The following GRID2 variants were observed in gnomAD, a reference collection of about 807,000 sequenced individuals.
GRID2 encodes glutamate ionotropic receptor delta type subunit 2.
A neutral mutation model predicts 114.8 loss-of-function variants in GRID2; 33 were observed. The observed-to-expected ratio is 0.29, with a 90% confidence interval of 0.22 to 0.38. The LOEUF (loss-of-function observed/expected upper bound fraction) is 0.38, where lower values mean the gene tolerates loss of function less well. Among genes scored for constraint, GRID2 ranks in the 10% least tolerant of loss-of-function variants. GRID2 has a pLI of 1.00. For missense variants in GRID2, 1,184 were observed against 1,257.7 expected (o/e 0.94, Z 0.89); for synonymous variants, 505 against 449.9 (o/e 1.12, Z -1.55).
At chr4:93,478,674 GTTAACA>G (rs1434304378) in intron 11 of GRID2, among the ~76,000 whole-genome samples, 1 of 151,674 alleles carries the variant, frequency 6.6e-6, no homozygotes, top group African/African-American at 2.4e-5. Context: ...TATTTTAACT[GTTAACA>G]TTAAAATATA....
chr4:92,868,625 T>G (rs77188006), intron 2 of GRID2, among the ~76,000 whole-genome samples: 2,386 of 152,204 alleles, frequency 0.016, 59 homozygotes, highest in African/African-American at 0.054. Context: ...TGTGCCATCT[T>G]TATAGTAGTT....
intron 8 of GRID2, among the ~76,000 whole-genome samples, chr4:93,345,282 A>G (rs1014507087): frequency 6.6e-6 from 1 of 151,994 alleles, no homozygotes; most frequent in Non-Finnish European, 1.5e-5. Flanking sequence ...AACAGTCTAT[A>G]AGCATTCCCT....
intron 2 of GRID2, among the ~76,000 whole-genome samples, chr4:92,919,008 A>G (rs2149500971): frequency 6.6e-6 from 1 of 152,222 alleles, no homozygotes; most frequent in African/African-American, 2.4e-5. Flanking sequence ...GTAAGCTATT[A>G]ATTATTGCCT....
At chr4:92,449,709 AT>A (rs1579385375) in intron 1 of GRID2, among the ~76,000 whole-genome samples, 11 of 142,836 alleles carry the variant, frequency 7.7e-5, no homozygotes, top group African/African-American at 2.1e-4. Context: ...ATATATATAT[AT>A]AACACTTAAG....
chr4:93,737,693 A>G (rs917050731), intron 14 of GRID2, among the ~76,000 whole-genome samples: 1 of 152,152 alleles, frequency 6.6e-6, no homozygotes, highest in Non-Finnish European at 1.5e-5. Flanking sequence ...ATTGACCCTC[A>G]TATCGAAAGA....
intron 1 of GRID2, among the ~76,000 whole-genome samples, chr4:92,375,989 A>G (rs1317574763): frequency 6.6e-6 from 1 of 152,162 alleles, no homozygotes; most frequent in Non-Finnish European, 1.5e-5. Context: ...TAAGCGATTC[A>G]GGGCACATAT....
intron 10 of GRID2, among the ~76,000 whole-genome samples, chr4:93,438,904 T>C (rs955056767): frequency 7.5e-5 from 11 of 146,278 alleles, no homozygotes; most frequent in African/African-American, 2.7e-4. Context: ...CATTGTTCAA[T>C]TCCCACCTAT....
At chr4:92,848,138 G>A (rs866001337) in intron 2 of GRID2, among the ~76,000 whole-genome samples, 2 of 151,516 alleles carry the variant, frequency 1.3e-5, no homozygotes, top group Non-Finnish European at 2.9e-5. Context: ...AGTCATTGAT[G>A]TAACACAAAC....
At chr4:93,045,401 A>G (rs1186876457) in intron 2 of GRID2, among the ~76,000 whole-genome samples, 1 of 152,078 alleles carries the variant, frequency 6.6e-6, no homozygotes, top group East Asian at 1.9e-4. Context: ...ATGACAGCTT[A>G]ATATTTCTAT....
chr4:93,229,976 TATG>T (rs1305412103), intron 7 of GRID2, among the ~76,000 whole-genome samples: 4 of 152,152 alleles, frequency 2.6e-5, no homozygotes, highest in African/African-American at 9.7e-5. Context: ...GTGGATGTTG[TATG>T]ATATTTTTGA....
intron 1 of GRID2, among the ~76,000 whole-genome samples, chr4:92,368,822 G>A (rs1392303536): frequency 6.6e-6 from 1 of 151,660 alleles, no homozygotes; most frequent in East Asian, 1.9e-4. Context: ...TTCTAATAAA[G>A]TCAAGACACG....
intron 2 of GRID2, among the ~76,000 whole-genome samples, chr4:92,913,426 C>T (rs1248081833): frequency 1.3e-5 from 2 of 151,842 alleles, no homozygotes; most frequent in Non-Finnish European, 2.9e-5. Context: ...TTCCAGATCT[C>T]CATCTATGCA....
At chr4:92,517,126 C>T (rs544162624) in intron 1 of GRID2, among the ~76,000 whole-genome samples, 41 of 151,834 alleles carry the variant, frequency 2.7e-4, no homozygotes, top group African/African-American at 9.6e-4. Flanking sequence ...TACTGGATGC[C>T]CTCGTAGGCT....
chr4:92,694,059 A>G (rs1734314014), intron 2 of GRID2, among the ~76,000 whole-genome samples: 1 of 152,176 alleles, frequency 6.6e-6, no homozygotes, highest in African/African-American at 2.4e-5. Flanking sequence ...AGGGGATGAA[A>G]GAATACAAGC....
intron 4 of GRID2, among the ~76,000 whole-genome samples, chr4:93,152,901 T>A (rs1483950512): frequency 1.3e-5 from 2 of 152,100 alleles, no homozygotes; most frequent in Non-Finnish European, 2.9e-5. Context: ...AAGAATAACA[T>A]GCTCAAAACA....
chr4:93,101,009 G>T (rs1381043664), intron 3 of GRID2, among the ~76,000 whole-genome samples: 2 of 152,026 alleles, frequency 1.3e-5, no homozygotes, highest in Non-Finnish European at 2.9e-5. Flanking sequence ...AGATGGTATA[G>T]ATAATATACT....
At chr4:92,583,655 TTATA>T (rs76911864) in intron 1 of GRID2, among the ~76,000 whole-genome samples, 23 of 148,296 alleles carry the variant, frequency 1.6e-4, no homozygotes, top group African/African-American at 2.5e-4. Context: ...CAGATAATAA[TTATA>T]TATATATATA....
At chr4:92,940,735 A>C (rs1171044257) in intron 2 of GRID2, among the ~76,000 whole-genome samples, 2 of 152,136 alleles carry the variant, frequency 1.3e-5, no homozygotes, top group Admixed American at 1.3e-4. Flanking sequence ...ATTTTGAGAT[A>C]CATCCCATCA....
intron 14 of GRID2, among the ~76,000 whole-genome samples, chr4:93,650,425 T>C (rs1318949357): frequency 1.3e-5 from 2 of 152,170 alleles, no homozygotes; most frequent in African/African-American, 4.8e-5. Context: ...GCAACCTCTG[T>C]CAATCCCTCC....
Sources: allele counts gnomAD v4.1 joint callset (sites outside exome capture counted in the v4.1 genomes callset), GRCh38; gene constraint gnomAD v4.1.1; transcripts MANE v1.5; gene names NCBI Gene and HGNC (gene_info 2026-07-23, HGNC 2026-07-21).